GGT7: variants seen among roughly 807,000 people sequenced by gnomAD.
GGT7 encodes the protein glutathione hydrolase 7.
Under a neutral mutation model 69.2 loss-of-function variants are expected in GGT7, and 30 were observed. The ratio of observed to expected loss-of-function variants is 0.43; its 90% CI spans 0.32 to 0.59. GGT7 has a LOEUF of 0.59. GGT7 is among the 20% of genes least tolerant of loss of function. The probability of loss-of-function intolerance (pLI) is 0.05; values close to 1 mark genes in which losing one functional copy is unlikely to be tolerated. For synonymous variants in GGT7, 388 were observed against 391.8 expected (o/e 0.99, Z 0.12); for missense variants, 733 against 901.1 (o/e 0.81, Z 2.39).
Position 34,860,005 on chromosome 20 carries a change from C to A in GGT7, c.781G>T (p.Val261Leu), listed in dbSNP as rs781234854. Residue 261 changes from valine to leucine, a missense_variant, in exon 6 of 15, where the codon GTG becomes TTG. By Grantham distance (32) the Val-to-Leu change is conservative. Transcript: ENST00000336431. ...WSQVLAFAAA[V>L]AQDGFNVTHD... is the part of the protein sequence containing the mutation. Reference sequence around the variant, plus strand: ...GTCACGTTGAAGCCATCTTGGGCCACAGCTGCTGCAAAGGCCAGGACTTGG... The same window carrying A: ...GTCACGTTGAAGCCATCTTGGGCCAAAGCTGCTGCAAAGGCCAGGACTTGG... 16 of 1,569,064 alleles carry A rather than the reference C, an allele frequency of 1.0e-5. No homozygotes were observed. The Admixed American group carries it at 3.0e-4, about 29-fold the overall frequency.
chr20:34,857,305 GA>G lies in GGT7; in HGVS notation c.1015-413del, dbSNP rs531988547. Among the ~76,000 whole-genome samples the G allele has an allele frequency of 1.3e-3, 201 of 152,280 alleles. 3 individuals are homozygous for G. Among genetic ancestry groups the G allele is most frequent in the African/African-American group, 4.7e-3 (194 of 41,552 alleles). Reference sequence around the variant, plus strand: ...GCTGCTCTCTCTGCCTATGTAAAAGGAAGGTTTTCTACTTATGGCACACTTG... The same window carrying G: ...GCTGCTCTCTCTGCCTATGTAAAAGGAGGTTTTCTACTTATGGCACACTTG... On this transcript the variant is annotated intron_variant, in intron 7 of 14. Coordinates refer to ENST00000336431, the MANE Select transcript of GGT7 (RefSeq NM_178026.3).
chr20:34,863,394 C>CGT lies in GGT7; in HGVS notation c.322_323dup (p.Val109ArgfsTer36). 6.2e-7 allele frequency: 1 copy of CGT among 1,614,054 alleles called. No individual in the cohort carries two copies. The highest frequency in any genetic ancestry group is 8.5e-7 in the Non-Finnish European group (1 of 1,180,036). Reference sequence around the variant, plus strand: ...AGGTGAGACAGGCCGTGACGATGACCGTGAGCCCATCCTGGCGGCAGGAGC... The same window carrying CGT: ...AGGTGAGACAGGCCGTGACGATGACCGTGTGAGCCCATCCTGGCGGCAGGAGC... On this transcript the variant is annotated frameshift_variant, in exon 2 of 15. Coordinates refer to ENST00000336431, the MANE Select transcript of GGT7 (RefSeq NM_178026.3). LOFTEE classifies it high-confidence loss of function. The surrounding 1 kb of genome is among the most constrained non-coding windows in gnomAD (Gnocchi z 4.4).
rs748425877 is a variant in GGT7 at position 34,863,299 on chromosome 20, T to C, written c.405+14A>G. On this transcript the variant is annotated intron_variant, in intron 2 of 14. Coordinates refer to ENST00000336431, the MANE Select transcript of GGT7 (RefSeq NM_178026.3). The surrounding 1 kb of genome is among the most constrained non-coding windows in gnomAD (Gnocchi z 4.4). The stretch of plus-strand genomic sequence containing the variant: ...CTCCCCAGTTTCCTCCCCCTCCCCA[T>C]TTGTCCCCCTCACCTGGGGGTCCCC... 7.0e-7 allele frequency: 1 copy of C among 1,433,116 alleles called. No homozygotes were observed. Among genetic ancestry groups the C allele is most frequent in the East Asian group, 2.5e-5 (1 of 39,822 alleles). 88.8% of individuals were successfully genotyped at this position (1,433,116 alleles called of 1,614,324 possible).
At chr20:34,859,829 G>A (rs2079558799) in intron 6 of GGT7, 140 bp downstream of exon 6, 1 of 786,908 alleles carries the variant, frequency 1.3e-6, no homozygotes, top group Non-Finnish European at 2.1e-6. Context: ...CCGCCTCCAG[G>A]TGAGGGTGGG....
chr20:34,851,167 A>G, intron 13 of GGT7, 64 bp downstream of exon 13: 5 of 1,584,968 alleles, frequency 3.2e-6, no homozygotes, highest in Non-Finnish European at 4.3e-6. Context: ...TATGACAGGC[A>G]TCTGCAGTCT....
Position 34,859,854 on chromosome 20 carries a change from G to A in GGT7, c.817+115C>T, listed in dbSNP as rs936898348. ...GTGAGGGTGGGATAAGGTGGGGAGGGGGTCTGAGGAGCAAACTGGAAGAGA... is the reference window on the plus strand; with the variant it reads ...GTGAGGGTGGGATAAGGTGGGGAGGAGGTCTGAGGAGCAAACTGGAAGAGA... On this transcript the variant is annotated intron_variant, in intron 6 of 14. Coordinates refer to ENST00000336431, the MANE Select transcript of GGT7 (RefSeq NM_178026.3). 25 of 843,414 alleles carry A rather than the reference G, an allele frequency of 3.0e-5. No homozygotes were observed. In the Admixed American group the frequency reaches 3.8e-4, roughly 13 times the overall value. The allele number at this position is 843,414 out of a possible 1,614,324, so 52.2% of individuals were successfully genotyped here.
At chr20:34,861,716 G>T (rs1416890844) in intron 3 of GGT7, among the ~76,000 whole-genome samples, 154 bp from the exon 4 acceptor site, 1 of 152,130 alleles carries the variant, frequency 6.6e-6, no homozygotes, top group African/African-American at 2.4e-5. Flanking sequence ...TGGATTCACA[G>T]ACTCAGCCAC....
rs368662663 is a variant in GGT7, at chr20:34,859,628, C to A, written c.829G>T (p.Ala277Ser). The A allele has an allele frequency of 6.3e-7, 1 of 1,596,132 alleles. No homozygotes were observed. The change falls in exon 7 of 15, where the codon GCT (alanine) becomes TCT (serine). Residue 277 changes from alanine to serine, a missense_variant. By Grantham distance (99) the Ala-to-Ser change is moderately conservative. Coordinates refer to ENST00000336431, the MANE Select transcript of GGT7 (RefSeq NM_178026.3). The stretch of plus-strand genomic sequence containing the variant: ...GACATGTTGGGTGGCAGCTGTTCAG[C>A]CAGGGCACGGGCTAGGGGCAGGGAC... ...NVTHDLARALAEQLPPNMSER... is the reference protein window; with the variant it reads ...NVTHDLARALSEQLPPNMSER...
chr20:34,857,500 C>T (rs894456675), intron 7 of GGT7, among the ~76,000 whole-genome samples: 1 of 152,168 alleles, frequency 6.6e-6, no homozygotes, highest in Non-Finnish European at 1.5e-5. Flanking sequence ...TCATTCCATC[C>T]TATCCAGTGT....
At chr20:34,859,053 C>T (rs1012448761) in intron 7 of GGT7, among the ~76,000 whole-genome samples, 2 of 152,018 alleles carry the variant, frequency 1.3e-5, no homozygotes, top group Non-Finnish European at 2.9e-5. Context: ...ACCTGTAATC[C>T]CAGTTACTCG....
At position 34,863,746 on chromosome 20, in the gene GGT7, G is replaced by T. The variant is rs1393133156; in HGVS notation, c.170-198C>A. On this transcript the variant is annotated intron_variant, in intron 1 of 14. Coordinates refer to ENST00000336431, the MANE Select transcript of GGT7 (RefSeq NM_178026.3). This position sits in a 1 kb window ranked among gnomAD's most constrained non-coding sequence, Gnocchi z 4.4. ...CGGTGCCCGGCTAGGAAGAGACAGG[G>T]ACCTCCCCAGCTGGGCAGCAGGGAG... 1 of 714,384 alleles carries T rather than the reference G, an allele frequency of 1.4e-6. No individual in the cohort carries two copies. The highest frequency in any genetic ancestry group is 1.7e-5 in the African/African-American group (1 of 57,202). 44.3% of individuals were successfully genotyped at this position (714,384 alleles called of 1,614,324 possible).
At position 34,854,950 on chromosome 20, in the gene GGT7, C is replaced by T. The variant is rs369433113; in HGVS notation, c.1103-27G>A. On this transcript the variant is annotated intron_variant, in intron 8 of 14. Transcript: ENST00000336431. ...TGAAAGGACAGGAAGTGACTGATGG[C>T]AGGGTAGGGGTCAAGGCACCTTCAC... 6.8e-6 allele frequency: 11 copies of T among 1,610,380 alleles called. No homozygotes were observed. In the African/African-American group the frequency reaches 1.5e-4, roughly 22 times the overall value.
rs759900182 is a variant in GGT7, at chr20:34,861,537, T to C, written c.583A>G (p.Ile195Val). Reference sequence around the variant, plus strand: ...ATTAGGTGGCTCTCATTTCGTCGGATGTCATGTACCAGCATCACGCCCCCA... The same window carrying C: ...ATTAGGTGGCTCTCATTTCGTCGGACGTCATGTACCAGCATCACGCCCCCA... ...GGGGVMLVHD[I>V]RRNESHLIDF... The change falls in exon 4 of 15, where the codon ATC becomes GTC. Residue 195 changes from isoleucine to valine, a missense_variant. Coordinates refer to ENST00000336431, the MANE Select transcript of GGT7 (RefSeq NM_178026.3). The C allele has an allele frequency of 2.0e-6, 3 of 1,517,134 alleles. No individual in the cohort carries two copies. Among genetic ancestry groups the C allele is most frequent in the Admixed American group, 3.8e-5 (2 of 52,002 alleles). The allele number at this position is 1,517,134 out of a possible 1,614,324, so 94.0% of individuals were successfully genotyped here. A position where few individuals can be genotyped will look rare whatever the true frequency, so the allele number is the denominator to read the frequency against.
rs370837481 is a variant in GGT7 at position 34,859,573 on chromosome 20, G to A, written c.884C>T (p.Ser295Leu). The change falls in exon 7 of 15, where the codon TCG becomes TTG. Residue 295 changes from serine to leucine, a missense_variant. Ser to Leu is a moderately radical substitution (Grantham distance 145). Transcript: ENST00000336431. Reference sequence around the variant, plus strand: ...CGAGCCAGGTAGTGGCGGGCGGCCCGATGGCAGGAACGTCTCCCGGAAGCG... The same window carrying A: ...CGAGCCAGGTAGTGGCGGGCGGCCCAATGGCAGGAACGTCTCCCGGAAGCG... ...SERFRETFLPSGRPPLPGSLL... is the reference protein window; with the variant it reads ...SERFRETFLPLGRPPLPGSLL... 6.2e-6 allele frequency: 10 copies of A among 1,602,244 alleles called. No individual in the cohort carries two copies. The highest frequency in any genetic ancestry group is 5.3e-5 in the African/African-American group (4 of 74,790).
intron 13 of GGT7, chr20:34,850,870 C>T (rs372202394): frequency 7.0e-6 from 4 of 575,508 alleles, no homozygotes; most frequent in Non-Finnish European, 1.3e-5. Context: ...AAAGCAGGCC[C>T]TTCCTTTCAA....
rs756570193 is a variant in GGT7 at position 34,862,909 on chromosome 20, G to T, written c.462C>A (p.Ile154=). Residue 154 remains isoleucine, a synonymous_variant, in exon 3 of 15, where the codon ATC becomes ATA. Coordinates refer to ENST00000336431, the MANE Select transcript of GGT7 (RefSeq NM_178026.3). ...AAGATCCCTGTTTACTGAGCACCTC[G>T]ATGCCCAGTGAAGTGCAGCGGGCAG... The part of the protein sequence containing the change: ...TDAARCTSLG[I]EVLSKQGSSV... 6.2e-7 allele frequency: 1 copy of T among 1,613,890 alleles called. No individual in the cohort carries two copies. Among genetic ancestry groups the T allele is most frequent in the Non-Finnish European group, 8.5e-7 (1 of 1,179,946 alleles).
intron 12 of GGT7, among the ~76,000 whole-genome samples, chr20:34,851,642 G>A (rs923195417): frequency 2.0e-5 from 3 of 152,190 alleles, no homozygotes; most frequent in Non-Finnish European, 4.4e-5. Flanking sequence ...CAAGAAAGAT[G>A]GCAATGGGGA....
chr20:34,858,375 G>A (rs192688650), intron 7 of GGT7, among the ~76,000 whole-genome samples: 4 of 152,310 alleles, frequency 2.6e-5, no homozygotes, highest in Non-Finnish European at 5.9e-5. Context: ...GTAATCTCCT[G>A]GACTTTCCAG....
At chr20:34,850,596 C>G (rs1037228189) in intron 13 of GGT7, among the ~76,000 whole-genome samples, 12 of 152,240 alleles carry the variant, frequency 7.9e-5, no homozygotes, top group African/African-American at 2.4e-4. Flanking sequence ...ACACATAACA[C>G]AGTGCCCAGC....
Sources: allele counts gnomAD v4.1 joint callset (sites outside exome capture counted in the v4.1 genomes callset), GRCh38; gene constraint gnomAD v4.1.1; non-coding constraint Gnocchi (gnomAD v3.1); transcripts MANE v1.5; gene names NCBI Gene and HGNC (gene_info 2026-07-23, HGNC 2026-07-21).